The following NFIC variants were observed in gnomAD, a reference collection of about 807,000 sequenced individuals.
The protein encoded by NFIC is nuclear factor 1 C-type.
In NFIC, 12 loss-of-function variants were observed where a neutral mutation model predicts 54.4. The ratio of observed to expected loss-of-function variants is 0.22; its 90% CI spans 0.14 to 0.36. The LOEUF is 0.36. Ranked by LOEUF, NFIC falls within the 10% of genes least tolerant of loss-of-function variation. NFIC has a pLI of 1.00. For missense variants in NFIC, 575 were observed against 718.2 expected (o/e 0.80, Z 2.28); for synonymous variants, 322 against 319.2 (o/e 1.01, Z -0.09).
At chr19:3,443,600 G>A (rs2082326109) in intron 6 of NFIC, among the ~76,000 whole-genome samples, 1 of 151,910 alleles carries the variant, frequency 6.6e-6, no homozygotes, top group African/African-American at 2.4e-5. Context: ...CCTCTGCAGG[G>A]CAGAGGATCA....
chr19:3,405,332 C>T (rs535126281), intron 2 of NFIC, among the ~76,000 whole-genome samples: 11 of 152,272 alleles, frequency 7.2e-5, no homozygotes, highest in African/African-American at 9.6e-5. Context: ...GCGGGGAGTG[C>T]GGAGAACATC....
intron 6 of NFIC, among the ~76,000 whole-genome samples, chr19:3,440,366 A>G (rs934190044): frequency 6.6e-6 from 1 of 151,856 alleles, no homozygotes; most frequent in African/African-American, 2.4e-5. Flanking sequence ...TAATATAGCC[A>G]GAGGCATATG....
rs149478642 is a variant in NFIC at position 3,390,253 on chromosome 19, G to A, written c.562+8010G>A. Among the ~76,000 whole-genome samples the A allele has an allele frequency of 1.3e-3, 193 of 152,378 alleles. 1 individual carries two copies. Among genetic ancestry groups the A allele is most frequent in the Admixed American group, 4.6e-3 (71 of 15,308 alleles). Reference sequence around the variant, plus strand: ...ATCCCCCAGGGCTGGGCAGCCAGGTGTGCCAGCCGTCTGTCTGTGCAGAGA... The same window carrying A: ...ATCCCCCAGGGCTGGGCAGCCAGGTATGCCAGCCGTCTGTCTGTGCAGAGA... On this transcript the variant is annotated intron_variant, in intron 2 of 10. Transcript: ENST00000443272.
intron 9 of NFIC, among the ~76,000 whole-genome samples, chr19:3,454,666 G>A (rs994032144): frequency 6.6e-6 from 1 of 151,720 alleles, no homozygotes; most frequent in Non-Finnish European, 1.5e-5. Flanking sequence ...CCCTCACAGG[G>A]CGCCAGACAT....
rs377464261 is a variant in NFIC, at chr19:3,452,702, C to T, written c.1269+36C>T. On this transcript the variant is annotated intron_variant, in intron 8 of 10. Coordinates refer to ENST00000443272, the MANE Select transcript of NFIC (RefSeq NM_001245002.2). The surrounding 1 kb of genome is among the most constrained non-coding windows in gnomAD (Gnocchi z 5.3). ...CGGGGCGCATTCGGGCCTCTCCTGGCGGCTCCAGGTGACCTCCCGGGGGCC... is the reference window on the plus strand; with the variant it reads ...CGGGGCGCATTCGGGCCTCTCCTGGTGGCTCCAGGTGACCTCCCGGGGGCC... The T allele has an allele frequency of 2.4e-5, 38 of 1,551,996 alleles. No individual in the cohort carries two copies. Among genetic ancestry groups the T allele is most frequent in the Non-Finnish European group, 2.9e-5 (34 of 1,152,620 alleles).
rs936478233 is a variant in NFIC, at chr19:3,458,458, G to T, written c.1509+1823G>T. Among the ~76,000 whole-genome samples the T allele has an allele frequency of 5.9e-5, 9 of 152,130 alleles. No individual in the cohort carries two copies. Among genetic ancestry groups the T allele is most frequent in the African/African-American group, 2.2e-4 (9 of 41,426 alleles). The stretch of plus-strand genomic sequence containing the variant: ...TCTCTGACCAGGCCCTCCCGCCAGG[G>T]CCCGGGACCCTTCTCTCAGACTGTG... On this transcript the variant is annotated intron_variant, in intron 10 of 10. Transcript: ENST00000443272. The surrounding 1 kb of genome is among the most constrained non-coding windows in gnomAD (Gnocchi z 4.1).
chr19:3,464,570 A>G lies in NFIC; in HGVS notation c.*1801A>G. ...AACTGACCTCCATGCCTAGGGAAAA[A>G]CTCCCCCCACCACTGCCCCCTCCCC... On this transcript the variant is annotated 3_prime_UTR_variant, in exon 11 of 11. Transcript: ENST00000443272. 1.0e-6 allele frequency: 1 copy of G among 953,888 alleles called. No homozygotes were observed. Among genetic ancestry groups the G allele is most frequent in the South Asian group, 4.9e-5 (1 of 20,276 alleles). The allele number at this position is 953,888 out of a possible 1,614,324, so 59.1% of individuals were successfully genotyped here.
intron 2 of NFIC, among the ~76,000 whole-genome samples, chr19:3,394,310 CT>C (rs1459994070): frequency 4.6e-5 from 7 of 151,592 alleles, no homozygotes; most frequent in Non-Finnish European, 1.0e-4. Flanking sequence ...AAGACCTTGT[CT>C]CTACAAAAAA....
chr19:3,425,028 C>G, intron 2 of NFIC, 78 bp from the exon 3 acceptor site: 1 of 1,488,596 alleles, frequency 6.7e-7, no homozygotes, highest in Non-Finnish European at 9.2e-7. Context: ...AGGACTGGGG[C>G]CACCAGCATC....
chr19:3,431,526 G>A (rs1030364550), intron 3 of NFIC, among the ~76,000 whole-genome samples: 1 of 151,512 alleles, frequency 6.6e-6, no homozygotes, highest in Admixed American at 6.6e-5. Flanking sequence ...GCACCACCAC[G>A]CCCAGCTAAT....
Position 3,369,726 on chromosome 19 carries a change from G to A in NFIC, c.30+3060G>A, listed in dbSNP as rs1018299890. Reference sequence around the variant, plus strand: ...TGCCGGCGGGAAGGCCGGCCTCCCCGCGCCTGCTCTGGGCCTCCCTCCCTG... The same window carrying A: ...TGCCGGCGGGAAGGCCGGCCTCCCCACGCCTGCTCTGGGCCTCCCTCCCTG... On this transcript the variant is annotated intron_variant, in intron 1 of 10. Transcript: ENST00000443272. This position sits in a 1 kb window ranked among gnomAD's most constrained non-coding sequence, Gnocchi z 4.3. Among the ~76,000 whole-genome samples the A allele has an allele frequency of 6.8e-6, 1 of 147,902 alleles. No homozygotes were observed. The highest frequency in any genetic ancestry group is 1.5e-5 in the Non-Finnish European group (1 of 66,974).
chr19:3,459,892 G>A lies in NFIC; in HGVS notation c.1510-2860G>A, dbSNP rs1037765641. Among the ~76,000 whole-genome samples the A allele has an allele frequency of 6.6e-6, 1 of 152,198 alleles. No individual in the cohort carries two copies. Among genetic ancestry groups the A allele is most frequent in the Non-Finnish European group, 1.5e-5 (1 of 68,036 alleles). On this transcript the variant is annotated intron_variant, in intron 10 of 10. Transcript: ENST00000443272. This position sits in a 1 kb window ranked among gnomAD's most constrained non-coding sequence, Gnocchi z 4.2. ...GCTCTGTTGAATGATTTGCTGCAGC[G>A]GTGGGGGGCGGCCCCACCTCTAACC... is the stretch of plus-strand genomic sequence containing the variant.
At chr19:3,393,455 G>C (rs1368351920) in intron 2 of NFIC, among the ~76,000 whole-genome samples, 1 of 152,086 alleles carries the variant, frequency 6.6e-6, no homozygotes, top group Non-Finnish European at 1.5e-5. Context: ...TCTTCCACTG[G>C]GGCCCTGACC....
At chr19:3,428,567 C>A (rs1297781883) in intron 3 of NFIC, among the ~76,000 whole-genome samples, 1 of 152,088 alleles carries the variant, frequency 6.6e-6, no homozygotes, top group East Asian at 1.9e-4. Context: ...CGGAGGTTCA[C>A]AGGCCTGAGG....
chr19:3,425,009 GC>G, intron 2 of NFIC, 96 bp from the exon 3 acceptor site: 1 of 1,310,692 alleles, frequency 7.6e-7, no homozygotes. Flanking sequence ...CATAGCACTG[GC>G]CCAGCCCAGG....
At chr19:3,460,219 T>G (rs755853664) in intron 10 of NFIC, among the ~76,000 whole-genome samples, 2 of 152,138 alleles carry the variant, frequency 1.3e-5, no homozygotes, top group Non-Finnish European at 2.9e-5. Flanking sequence ...GGGGGACCTG[T>G]GACAGGATGG....
chr19:3,447,703 C>T (rs1419874414), intron 6 of NFIC, among the ~76,000 whole-genome samples: 1 of 152,182 alleles, frequency 6.6e-6, no homozygotes, highest in African/African-American at 2.4e-5. Flanking sequence ...TTACAGAATC[C>T]CCTGTTTTAT....
intron 2 of NFIC, 22 bp downstream of exon 2, chr19:3,382,265 G>C (rs752066921): frequency 6.3e-7 from 1 of 1,590,054 alleles, no homozygotes; most frequent in African/African-American, 1.3e-5. Context: ...TGGCCTGAGC[G>C]GAGCGGCCAG....
chr19:3,389,705 G>C (rs771675127), intron 2 of NFIC, among the ~76,000 whole-genome samples: 1 of 152,112 alleles, frequency 6.6e-6, no homozygotes, highest in Non-Finnish European at 1.5e-5. Flanking sequence ...ACTTCCGGCC[G>C]GGCGCAGTGG....
Sources: gnomAD v4.1 joint callset for allele counts (sites outside exome capture counted in the v4.1 genomes callset) on GRCh38, gnomAD v4.1.1 for gene constraint, Gnocchi (gnomAD v3.1) non-coding constraint, MANE v1.5 for transcripts, NCBI Gene and HGNC (gene_info 2026-07-23, HGNC 2026-07-21) for gene names.